RPRD1A: variants seen among roughly 807,000 people sequenced by gnomAD.
RPRD1A encodes regulation of nuclear pre-mRNA domain-containing protein 1A.
RPRD1A carries 9 observed loss-of-function variants against 37.8 expected under a neutral mutation model. The ratio of observed to expected loss-of-function variants is 0.24; its 90% CI spans 0.14 to 0.42. RPRD1A has a LOEUF of 0.42. Among genes scored for constraint, RPRD1A ranks in the 10% least tolerant of loss-of-function variants. The pLI, the probability that RPRD1A is intolerant of heterozygous loss-of-function variation, is 1.00. For synonymous variants in RPRD1A, 138 were observed against 139.7 expected, an observed-to-expected ratio of 0.99 and a Z score of 0.08; for missense variants, 255 against 371.0, an observed-to-expected ratio of 0.69 and a Z score of 2.57.
chr18:36,017,537 G>A lies in RPRD1A; in HGVS notation c.789+9363C>T, dbSNP rs1489991991. Among the ~76,000 whole-genome samples the A allele has an allele frequency of 1.3e-5, 2 of 152,142 alleles. 1 individual carries two copies. The highest frequency in any genetic ancestry group is 3.9e-4 in the East Asian group (2 of 5,190). The stretch of plus-strand genomic sequence containing the variant: ...ACATTCAAGTGCCCTCCACAATGTG[G>A]CTCCAAACTACTTTTCAATCTCATC... On this transcript the variant is annotated intron_variant, in intron 6 of 6. Coordinates refer to ENST00000399022, the MANE Select transcript of RPRD1A (RefSeq NM_018170.5).
At chr18:36,052,230 A>G (rs1440046155) in intron 1 of RPRD1A, among the ~76,000 whole-genome samples, 4 of 151,992 alleles carry the variant, frequency 2.6e-5, no homozygotes, top group Non-Finnish European at 5.9e-5. Context: ...GGAGAAATTA[A>G]GACATTTCAA....
At chr18:36,035,642 T>C (rs188511445) in intron 1 of RPRD1A, among the ~76,000 whole-genome samples, 1 of 152,304 alleles carries the variant, frequency 6.6e-6, no homozygotes, top group East Asian at 1.9e-4. Flanking sequence ...GAAATAAAAA[T>C]ATTTTACAAT....
intron 1 of RPRD1A, among the ~76,000 whole-genome samples, chr18:36,044,148 G>A (rs1912791156): frequency 6.6e-6 from 1 of 152,164 alleles, no homozygotes; most frequent in Non-Finnish European, 1.5e-5. Flanking sequence ...TAAGGAGGAA[G>A]AGGGGGAAGA....
chr18:35,993,368 C>A, intron 6 of RPRD1A, 68 bp from the exon 7 acceptor site: 2 of 1,539,066 alleles, frequency 1.3e-6, no homozygotes, highest in Non-Finnish European at 1.8e-6. Flanking sequence ...TAATGACCTA[C>A]ATAAACCCAG....
Position 35,989,885 on chromosome 18 carries a change from C to T in RPRD1A, c.*3266G>A, listed in dbSNP as rs1908625070. 6.6e-6 allele frequency: 1 copy of T among 152,150 alleles called. No homozygotes were observed. The highest frequency in any genetic ancestry group is 6.6e-5 in the Admixed American group (1 of 15,266). The allele number at this position is 152,150 out of a possible 1,614,324, so 9.4% of individuals were successfully genotyped here. ...ATCTTATACTGTCATCAGATACAGCCAAAGAAGAACGGGTAAACAAACAGG... is the reference window on the plus strand; with the variant it reads ...ATCTTATACTGTCATCAGATACAGCTAAAGAAGAACGGGTAAACAAACAGG... On this transcript the variant is annotated 3_prime_UTR_variant, in exon 7 of 7. Coordinates refer to ENST00000399022, the MANE Select transcript of RPRD1A (RefSeq NM_018170.5).
chr18:36,034,125 T>C (rs114712078), intron 1 of RPRD1A, among the ~76,000 whole-genome samples: 302 of 152,292 alleles, frequency 2.0e-3, no homozygotes, highest in African/African-American at 7.1e-3. Context: ...AAGATGGTGA[T>C]TGCTCATGTT....
In RPRD1A at chr18:36,025,429, G is replaced by A. The variant is rs149588354; in HGVS notation, c.789+1471C>T. On this transcript the variant is annotated intron_variant, in intron 6 of 6. Transcript: ENST00000399022. ...GTGGCTGGAAGGCACTGGGGGAAAA[G>A]GGGGTTGTGGGGAGTGGCATCTGAT... 1.8e-3 allele frequency: 572 copies of A among 326,540 alleles called. 1 individual carries two copies. The highest frequency in any genetic ancestry group is 2.6e-3 in the Non-Finnish European group (440 of 169,280). The allele number at this position is 326,540 out of a possible 1,614,324, so 20.2% of individuals were successfully genotyped here.
intron 1 of RPRD1A, among the ~76,000 whole-genome samples, chr18:36,048,063 C>CTTTTTTTTTT (rs1156933838): frequency 8.7e-6 from 1 of 114,472 alleles, no homozygotes. Context: ...GTACCCATTC[C>CTTTTTTTTTT]TTTTTTTTTT....
At chr18:35,995,419 C>T (rs950922472) in intron 6 of RPRD1A, among the ~76,000 whole-genome samples, 9 of 151,938 alleles carry the variant, frequency 5.9e-5, no homozygotes, top group African/African-American at 2.2e-4. Context: ...GCATGTGTCA[C>T]CACACCCCAC....
intron 6 of RPRD1A, chr18:36,025,730 A>G: frequency 1.0e-6 from 1 of 989,282 alleles, no homozygotes; most frequent in East Asian, 6.0e-5. Context: ...AAGACTAAAG[A>G]CAAAAATTGT....
At chr18:36,060,812 T>C (rs540032381) in intron 1 of RPRD1A, among the ~76,000 whole-genome samples, 2 of 152,256 alleles carry the variant, frequency 1.3e-5, no homozygotes, top group South Asian at 2.1e-4. Flanking sequence ...TTAAATAATG[T>C]ATTATTTTAA....
At chr18:36,010,938 A>C (rs1910139140) in intron 6 of RPRD1A, among the ~76,000 whole-genome samples, 1 of 152,236 alleles carries the variant, frequency 6.6e-6, no homozygotes, top group South Asian at 2.1e-4. Flanking sequence ...CTGAGATACT[A>C]AGATTTAACT....
At chr18:36,051,906 A>C (rs929295261) in intron 1 of RPRD1A, among the ~76,000 whole-genome samples, 1 of 152,218 alleles carries the variant, frequency 6.6e-6, no homozygotes, top group African/African-American at 2.4e-5. Flanking sequence ...AGAGGGATGA[A>C]GAAATGATAC....
At chr18:35,993,336 A>G (rs781474512) in intron 6 of RPRD1A, 36 bp from the exon 7 acceptor site, 12 of 1,610,248 alleles carry the variant, frequency 7.5e-6, no homozygotes, top group African/African-American at 1.3e-5. Context: ...GCATTCAGGG[A>G]TTGAAAAAAC....
At chr18:36,037,397 T>A (rs949767783) in intron 1 of RPRD1A, among the ~76,000 whole-genome samples, 2 of 152,224 alleles carry the variant, frequency 1.3e-5, no homozygotes, top group African/African-American at 4.8e-5. Context: ...CCTGCCACCA[T>A]GTGAATAAGG....
At chr18:36,054,829 A>C (rs1356810456) in intron 1 of RPRD1A, among the ~76,000 whole-genome samples, 2 of 151,810 alleles carry the variant, frequency 1.3e-5, no homozygotes, top group Non-Finnish European at 2.9e-5. Context: ...CCAATACTTC[A>C]GTTTGAGTCC....
chr18:36,024,117 A>C lies in RPRD1A; in HGVS notation c.789+2783T>G, dbSNP rs115195549. On this transcript the variant is annotated intron_variant, in intron 6 of 6. Transcript: ENST00000399022. Reference sequence around the variant, plus strand: ...ATAAATGTAAACTAAAGTTATTAATAGTCTATTTTAACAGTTATCTCGTGT... The same window carrying C: ...ATAAATGTAAACTAAAGTTATTAATCGTCTATTTTAACAGTTATCTCGTGT... 8.7e-3 allele frequency among the ~76,000 whole-genome samples: 1,322 copies of C among 152,150 alleles called. 22 individuals are homozygous for C. The highest frequency in any genetic ancestry group is 0.03 in the African/African-American group (1,250 of 41,492).
At chr18:35,996,532 T>A (rs1450005977) in intron 6 of RPRD1A, among the ~76,000 whole-genome samples, 4 of 152,180 alleles carry the variant, frequency 2.6e-5, no homozygotes, top group African/African-American at 9.7e-5. Context: ...CATAATTGAT[T>A]TTGATACATC....
At chr18:36,012,473 T>C (rs983738875) in intron 6 of RPRD1A, among the ~76,000 whole-genome samples, 2 of 152,208 alleles carry the variant, frequency 1.3e-5, no homozygotes, top group African/African-American at 4.8e-5. Context: ...CTTACCAGTG[T>C]ATTACAACTG....
Sources: gnomAD v4.1 joint callset for allele counts (sites outside exome capture counted in the v4.1 genomes callset) on GRCh38, gnomAD v4.1.1 for gene constraint, MANE v1.5 for transcripts, NCBI Gene and HGNC (gene_info 2026-07-23, HGNC 2026-07-21) for gene names.